Variants in MACROD2 observed in about 807,000 individuals in gnomAD.
MACROD2 encodes ADP-ribose glycohydrolase MACROD2.
MACROD2 carries 36 observed loss-of-function variants against 70.4 expected under a neutral mutation model. The observed-to-expected ratio is 0.51, with a 90% CI of 0.39 to 0.68. The LOEUF (loss-of-function observed/expected upper bound fraction) is 0.68. Among genes scored for constraint, MACROD2 ranks in the 30% least tolerant of loss-of-function variants. The probability of loss-of-function intolerance (pLI) is 0.00; values close to 1 mark genes in which losing one functional copy is unlikely to be tolerated. For missense variants in MACROD2, 496 were observed against 538.4 expected (o/e 0.92, Z 0.78); for synonymous variants, 172 against 178.8 (o/e 0.96, Z 0.30).
Position 15,818,616 on chromosome 20 carries a change from C to G in MACROD2, c.646-44129C>G, listed in dbSNP as rs73614461. Among the ~76,000 whole-genome samples, 159 of 152,262 alleles carry G rather than the reference C, an allele frequency of 1.0e-3. 1 individual carries two copies. The East Asian group carries it at 0.013, about 13-fold the overall frequency. On this transcript the variant is annotated intron_variant, in intron 8 of 17. Transcript: ENST00000684519. ...TATGACCCCTATCTTGTGCTGACCT[C>G]TTATCTCATCCTGTGATTTAGAATG...
intron 3 of MACROD2, among the ~76,000 whole-genome samples, chr20:14,286,095 T>G (rs1371338406): frequency 2.0e-5 from 3 of 152,154 alleles, no homozygotes; most frequent in Non-Finnish European, 4.4e-5. Flanking sequence ...TTCATTATTT[T>G]TGTAGAACAG....
At chr20:14,991,865 T>C (rs2074907339) in intron 5 of MACROD2, among the ~76,000 whole-genome samples, 1 of 152,178 alleles carries the variant, frequency 6.6e-6, no homozygotes, top group Non-Finnish European at 1.5e-5. Context: ...ATTTAAAAGT[T>C]TGAAATATTC....
intron 8 of MACROD2, among the ~76,000 whole-genome samples, chr20:15,671,973 C>T (rs2049986028): frequency 6.6e-6 from 1 of 152,202 alleles, no homozygotes; most frequent in Non-Finnish European, 1.5e-5. Context: ...GTAAAGAAAT[C>T]ATTCCTGCAG....
At chr20:15,603,981 C>G (rs533582889) in intron 8 of MACROD2, among the ~76,000 whole-genome samples, 5 of 152,302 alleles carry the variant, frequency 3.3e-5, no homozygotes, top group Non-Finnish European at 7.4e-5. Flanking sequence ...CTTGTTATTT[C>G]CAAGCTTAGT....
chr20:14,977,703 A>G (rs1449616987), intron 5 of MACROD2, among the ~76,000 whole-genome samples: 1 of 152,156 alleles, frequency 6.6e-6, no homozygotes, highest in Non-Finnish European at 1.5e-5. Flanking sequence ...AACAATGAAC[A>G]AGAATGGCGA....
intron 5 of MACROD2, among the ~76,000 whole-genome samples, chr20:15,165,862 A>G: frequency 6.6e-6 from 1 of 152,204 alleles, no homozygotes; most frequent in East Asian, 1.9e-4. Flanking sequence ...TCAAAATAAT[A>G]TGCTCAAACT....
intron 4 of MACROD2, among the ~76,000 whole-genome samples, chr20:14,578,066 T>C (rs920388685): frequency 3.3e-5 from 5 of 151,928 alleles, no homozygotes; most frequent in African/African-American, 1.2e-4. Flanking sequence ...TGCCACCTTC[T>C]TACAATTTTA....
chr20:15,524,117 T>G (rs75873345), intron 8 of MACROD2, among the ~76,000 whole-genome samples: 5,774 of 152,236 alleles, frequency 0.038, 130 homozygotes, highest in South Asian at 0.11. Flanking sequence ...CTGAAGAGAT[T>G]CTACTTTGAA....
At chr20:15,220,827 G>A (rs556126280) in intron 5 of MACROD2, among the ~76,000 whole-genome samples, 3 of 152,338 alleles carry the variant, frequency 2.0e-5, no homozygotes, top group African/African-American at 7.2e-5. Context: ...GCACAGACCT[G>A]TTTGGTGAGA....
At chr20:15,861,777 G>C (rs952078561) in intron 8 of MACROD2, among the ~76,000 whole-genome samples, 7 of 152,118 alleles carry the variant, frequency 4.6e-5, no homozygotes, top group African/African-American at 1.4e-4. Context: ...TGGAGAGCAG[G>C]GAGGTTAGGT....
intron 3 of MACROD2, among the ~76,000 whole-genome samples, chr20:14,390,976 G>C (rs2083520339): frequency 6.7e-6 from 1 of 148,686 alleles, no homozygotes; most frequent in African/African-American, 2.4e-5. Flanking sequence ...GAAAACAACA[G>C]ATGCTGGCAA....
intron 5 of MACROD2, among the ~76,000 whole-genome samples, chr20:14,897,356 T>C (rs2122535570): frequency 6.6e-6 from 1 of 152,254 alleles, no homozygotes; most frequent in East Asian, 1.9e-4. Context: ...AAAAATTTCC[T>C]GTCAATTAGT....
chr20:14,858,259 A>C (rs1035805827), intron 5 of MACROD2, among the ~76,000 whole-genome samples: 3 of 152,144 alleles, frequency 2.0e-5, no homozygotes, highest in Non-Finnish European at 2.9e-5. Flanking sequence ...CAAGGGTGCA[A>C]CTGGAAAATG....
chr20:14,270,672 C>G (rs944549221), intron 3 of MACROD2, among the ~76,000 whole-genome samples: 27 of 151,790 alleles, frequency 1.8e-4, no homozygotes, highest in Admixed American at 1.2e-3. Flanking sequence ...ATTTTCTCAA[C>G]TCAACTTTTT....
chr20:15,406,031 C>T (rs746740364), intron 6 of MACROD2, among the ~76,000 whole-genome samples: 3 of 152,180 alleles, frequency 2.0e-5, no homozygotes, highest in African/African-American at 4.8e-5. Context: ...TACCCAGCTA[C>T]CCAAAGACAT....
chr20:14,162,135 A>G (rs894646035), intron 3 of MACROD2, among the ~76,000 whole-genome samples: 1 of 152,176 alleles, frequency 6.6e-6, no homozygotes, highest in Non-Finnish European at 1.5e-5. Context: ...CCGAGTGGTC[A>G]TTCAGTAGCA....
chr20:15,350,811 A>G (rs1005896208), intron 6 of MACROD2, among the ~76,000 whole-genome samples: 1 of 152,178 alleles, frequency 6.6e-6, no homozygotes, highest in African/African-American at 2.4e-5. Context: ...CAGAAAAATT[A>G]ATGTGTATAA....
chr20:14,010,664 C>G (rs2052889232), intron 2 of MACROD2, among the ~76,000 whole-genome samples: 1 of 148,604 alleles, frequency 6.7e-6, no homozygotes, highest in Admixed American at 6.9e-5. Context: ...GGTATGTCTT[C>G]TTTCTCATTG....
chr20:15,804,175 A>G (rs2063749446), intron 8 of MACROD2, among the ~76,000 whole-genome samples: 1 of 152,182 alleles, frequency 6.6e-6, no homozygotes, highest in African/African-American at 2.4e-5. Context: ...CCTACTTATA[A>G]ACTTCTTAAA....
Sources: allele counts gnomAD v4.1 joint callset (sites outside exome capture counted in the v4.1 genomes callset), GRCh38; gene constraint gnomAD v4.1.1; transcripts MANE v1.5; gene names NCBI Gene and HGNC (gene_info 2026-07-23, HGNC 2026-07-21).